The following LARS2 variants were observed in gnomAD, a reference collection of about 807,000 sequenced individuals.
LARS2 encodes leucyl-tRNA synthetase 2, mitochondrial, also known as leucine--tRNA ligase, mitochondrial.
A neutral mutation model predicts 116.6 loss-of-function variants in LARS2; 81 were observed. The ratio of observed to expected loss-of-function variants is 0.69; its 90% CI spans 0.58 to 0.84. The LOEUF (loss-of-function observed/expected upper bound fraction) is 0.84. Ranked by LOEUF, LARS2 falls within the 40% of genes least tolerant of loss-of-function variation. LARS2 has a pLI of 0.00. For synonymous variants in LARS2, 396 were observed against 407.2 expected, an observed-to-expected ratio of 0.97 and a Z score of 0.33; for missense variants, 968 against 1,114.5, an observed-to-expected ratio of 0.87 and a Z score of 1.87.
At position 45,394,538 on chromosome 3, in the gene LARS2, G is replaced by C; in HGVS notation, c.85G>C (p.Glu29Gln). 1 of 1,614,170 alleles carries C rather than the reference G, an allele frequency of 6.2e-7. No homozygotes were observed. Among genetic ancestry groups the C allele is most frequent in the Non-Finnish European group, 8.5e-7 (1 of 1,180,030 alleles). ...LNGGPDVIKW[E>Q]RRVIPGCTRS... ...TGGTGGGCCAGATGTCATCAAGTGG[G>C]AAAGGAGAGTAATTCCCGGATGTAC... Residue 29 changes from glutamate (E) to glutamine (Q), a missense_variant, in exon 3 of 22, where the codon GAA (glutamate) becomes CAA (glutamine). Coordinates refer to ENST00000645846, the MANE Select transcript of LARS2 (RefSeq NM_015340.4).
chr3:45,542,322 G>A (rs1488450535), intron 21 of LARS2, among the ~76,000 whole-genome samples: 1 of 152,138 alleles, frequency 6.6e-6, no homozygotes, highest in Non-Finnish European at 1.5e-5. Context: ...TTGGGGGCTG[G>A]GGAAGGGTGA....
Position 45,474,222 on chromosome 3 carries a change from G to A in LARS2, c.751-21G>A, listed in dbSNP as rs773507048. 7.3e-6 allele frequency: 11 copies of A among 1,512,164 alleles called. No individual in the cohort carries two copies. The South Asian group carries it at 1.1e-4, about 15-fold the overall frequency. The allele number at this position is 1,512,164 out of a possible 1,614,324, so 93.7% of individuals were successfully genotyped here. On this transcript the variant is annotated intron_variant, in intron 8 of 21. Coordinates refer to ENST00000645846, the MANE Select transcript of LARS2 (RefSeq NM_015340.4). Reference sequence around the variant, plus strand: ...ATAAGCCTTGTGCCTCTACTTCTTTGTTCTCCTTTCATTTGCACAGGCCAT... The same window carrying A: ...ATAAGCCTTGTGCCTCTACTTCTTTATTCTCCTTTCATTTGCACAGGCCAT...
At chr3:45,444,004 C>CT (rs11409535) in intron 6 of LARS2, among the ~76,000 whole-genome samples, 64,706 of 133,172 alleles carry the variant, frequency 0.49, 18,586 homozygotes, top group East Asian at 0.71. Flanking sequence ...GATCTATCCT[C>CT]TTTTTTTTTT....
chr3:45,515,962 G>A, intron 16 of LARS2, 132 bp from the exon 17 acceptor site: 1 of 649,408 alleles, frequency 1.5e-6, no homozygotes, highest in Non-Finnish European at 2.6e-6. Flanking sequence ...AAAGCGGCTT[G>A]TTAAGTGAAT....
At chr3:45,528,229 C>T (rs757847693) in intron 20 of LARS2, among the ~76,000 whole-genome samples, 6 of 152,002 alleles carry the variant, frequency 3.9e-5, no homozygotes, top group Non-Finnish European at 5.9e-5. Flanking sequence ...CTCAGCTACT[C>T]GGGAGGCTGA....
intron 8 of LARS2, among the ~76,000 whole-genome samples, chr3:45,464,478 C>T (rs1339494652): frequency 6.6e-6 from 1 of 152,206 alleles, no homozygotes; most frequent in African/African-American, 2.4e-5. Context: ...CCTGTCTCAG[C>T]CCCAGAACAG....
At chr3:45,511,846 C>T (rs1260640113) in intron 15 of LARS2, among the ~76,000 whole-genome samples, 3 of 134,748 alleles carry the variant, frequency 2.2e-5, no homozygotes, top group Non-Finnish European at 3.1e-5. Context: ...GGCGTGATCT[C>T]GGCCCACTGC....
At chr3:45,488,654 G>T (rs751820599) in intron 11 of LARS2, 43 bp from the exon 12 acceptor site, 7 of 1,193,108 alleles carry the variant, frequency 5.9e-6, no homozygotes, top group Non-Finnish European at 8.8e-6. Context: ...TGTGATTTGG[G>T]CACTTGTGAA....
At chr3:45,398,048 A>C (rs1158699061) in intron 3 of LARS2, among the ~76,000 whole-genome samples, 1 of 152,224 alleles carries the variant, frequency 6.6e-6, no homozygotes, top group Non-Finnish European at 1.5e-5. Context: ...AATCCATTGT[A>C]GTTGTCATTT....
chr3:45,423,583 T>C (rs145067595), intron 6 of LARS2, among the ~76,000 whole-genome samples: 1 of 152,168 alleles, frequency 6.6e-6, no homozygotes, highest in East Asian at 1.9e-4. Flanking sequence ...TACTGTTATA[T>C]TGCAATTTTT....
chr3:45,404,092 A>T (rs978641378), intron 4 of LARS2, among the ~76,000 whole-genome samples: 1 of 152,190 alleles, frequency 6.6e-6, no homozygotes, highest in Non-Finnish European at 1.5e-5. Context: ...CTTGTAATTC[A>T]TATTATCCAT....
intron 6 of LARS2, among the ~76,000 whole-genome samples, chr3:45,433,111 A>G (rs904381863): frequency 3.9e-5 from 6 of 152,030 alleles, no homozygotes; most frequent in Non-Finnish European, 8.8e-5. Context: ...TTTGCATAGT[A>G]TGTCTTTTGT....
intron 14 of LARS2, among the ~76,000 whole-genome samples, chr3:45,499,040 T>A (rs1326971564): frequency 6.6e-6 from 1 of 152,162 alleles, no homozygotes; most frequent in Non-Finnish European, 1.5e-5. Context: ...ACATGTGTAA[T>A]CCCATAACTT....
chr3:45,485,904 T>A, intron 11 of LARS2, 108 bp downstream of exon 11: 2 of 611,272 alleles, frequency 3.3e-6, no homozygotes, highest in Admixed American at 6.1e-5. Context: ...TTCCATGGTC[T>A]GATTTGCCTC....
chr3:45,446,691 GGT>G (rs1270206328), intron 6 of LARS2, among the ~76,000 whole-genome samples, 198 bp from the exon 7 acceptor site: 3 of 152,164 alleles, frequency 2.0e-5, no homozygotes, highest in Non-Finnish European at 4.4e-5. Flanking sequence ...CTCTCAGAAA[GGT>G]GTAGGTGGCA....
intron 6 of LARS2, among the ~76,000 whole-genome samples, chr3:45,431,376 A>T (rs1698711173): frequency 6.6e-6 from 1 of 152,240 alleles, no homozygotes; most frequent in African/African-American, 2.4e-5. Flanking sequence ...TTATTAACCT[A>T]AAAGCTATTC....
At chr3:45,409,028 A>G (rs1233297951) in intron 4 of LARS2, among the ~76,000 whole-genome samples, 1 of 152,218 alleles carries the variant, frequency 6.6e-6, no homozygotes, top group Non-Finnish European at 1.5e-5. Flanking sequence ...CCAAATTGAC[A>G]TGATACATAT....
chr3:45,405,598 A>T (rs995657859), intron 4 of LARS2, among the ~76,000 whole-genome samples: 3 of 152,164 alleles, frequency 2.0e-5, no homozygotes, highest in African/African-American at 7.2e-5. Flanking sequence ...GTCATTCTAG[A>T]TGATTACTTG....
At chr3:45,466,668 G>A (rs75523748) in intron 8 of LARS2, among the ~76,000 whole-genome samples, 2 of 152,042 alleles carry the variant, frequency 1.3e-5, no homozygotes, top group Non-Finnish European at 2.9e-5. Context: ...CAAGAGCAGG[G>A]AAGGGCCAGA....
Sources: allele counts gnomAD v4.1 joint callset (sites outside exome capture counted in the v4.1 genomes callset), GRCh38; gene constraint gnomAD v4.1.1; transcripts MANE v1.5; gene names NCBI Gene and HGNC (gene_info 2026-07-23, HGNC 2026-07-21).